IPMK: variants seen among roughly 807,000 people sequenced by gnomAD.
IPMK encodes the protein inositol 1,3,4,6-tetrakisphosphate 5-kinase.
IPMK carries 17 observed loss-of-function variants against 45.8 expected under a neutral mutation model. The observed-to-expected ratio is 0.37, with a 90% CI of 0.25 to 0.56. The LOEUF is 0.56. Among genes scored for constraint, IPMK ranks in the 20% least tolerant of loss-of-function variants. The pLI, the probability that IPMK is intolerant of heterozygous loss-of-function variation, is 0.79. For synonymous variants in IPMK, 180 were observed against 184.3 expected, an observed-to-expected ratio of 0.98 and a Z score of 0.19; for missense variants, 399 against 498.0, an observed-to-expected ratio of 0.80 and a Z score of 1.89.
At chr10:58,256,340 T>C (rs1168377219) in intron 1 of IPMK, among the ~76,000 whole-genome samples, 2 of 152,172 alleles carry the variant, frequency 1.3e-5, no homozygotes, top group Non-Finnish European at 2.9e-5. Context: ...CGGTTGAAGA[T>C]AAGGGATGAA....
At chr10:58,265,263 A>G (rs1306401054) in intron 1 of IPMK, among the ~76,000 whole-genome samples, 2 of 152,222 alleles carry the variant, frequency 1.3e-5, no homozygotes, top group Non-Finnish European at 1.5e-5. Context: ...TTTTGGAAAT[A>G]GGTAAAATAA....
At chr10:58,250,726 G>T (rs988579194) in intron 1 of IPMK, among the ~76,000 whole-genome samples, 5 of 152,150 alleles carry the variant, frequency 3.3e-5, no homozygotes, top group Non-Finnish European at 5.9e-5. Flanking sequence ...AATAGGAGTA[G>T]TGAAAATGAG....
intron 2 of IPMK, 107 bp from the exon 3 acceptor site, chr10:58,227,246 T>C: frequency 1.3e-6 from 1 of 794,930 alleles, no homozygotes; most frequent in Non-Finnish European, 2.0e-6. Flanking sequence ...CTGGTATGGC[T>C]TCAATTGCAA....
intron 1 of IPMK, among the ~76,000 whole-genome samples, chr10:58,258,377 AC>A (rs1242432075): frequency 1.3e-5 from 2 of 152,208 alleles, no homozygotes; most frequent in African/African-American, 4.8e-5. Flanking sequence ...AAACAAGTTG[AC>A]CAAATTGACA....
rs539097203 is a variant in IPMK at position 58,251,673 on chromosome 10, T to C, written c.191-13859A>G. Among the ~76,000 whole-genome samples, 9 of 152,304 alleles carry C rather than the reference T, an allele frequency of 5.9e-5. 1 individual carries two copies. The South Asian group carries it at 1.7e-3, about 28-fold the overall frequency. ...CTTGGGTCCTCCAGTGTTGAGTACA[T>C]ACACATTTACAATTGTTATATCCTC... is the stretch of plus-strand genomic sequence containing the variant. On this transcript the variant is annotated intron_variant, in intron 1 of 5. Coordinates refer to ENST00000373935, the MANE Select transcript of IPMK (RefSeq NM_152230.5).
At chr10:58,225,110 G>C (rs559228499) in intron 3 of IPMK, among the ~76,000 whole-genome samples, 3 of 152,168 alleles carry the variant, frequency 2.0e-5, no homozygotes, top group South Asian at 2.1e-4. Context: ...TTTATTCCTT[G>C]TCCTTTTTTC....
At chr10:58,234,348 C>A (rs548600201) in intron 2 of IPMK, among the ~76,000 whole-genome samples, 1 of 152,248 alleles carries the variant, frequency 6.6e-6, no homozygotes, top group Non-Finnish European at 1.5e-5. Context: ...AAAGAGCCCC[C>A]ATTGCTAAGA....
At chr10:58,245,091 A>AC (rs1432598862) in intron 1 of IPMK, among the ~76,000 whole-genome samples, 1 of 151,214 alleles carries the variant, frequency 6.6e-6, no homozygotes, top group African/African-American at 2.4e-5. Context: ...TAAAAAAATT[A>AC]AAAAATACAA....
intron 1 of IPMK, among the ~76,000 whole-genome samples, chr10:58,261,461 G>T (rs1310863018): frequency 6.6e-6 from 1 of 151,108 alleles, no homozygotes; most frequent in Non-Finnish European, 1.5e-5. Context: ...CAAAATTTGA[G>T]GAAGCAGGGA....
intron 1 of IPMK, among the ~76,000 whole-genome samples, chr10:58,239,496 G>A (rs1254273353): frequency 6.6e-6 from 1 of 152,166 alleles, no homozygotes; most frequent in Admixed American, 6.5e-5. Flanking sequence ...AGATACAGGT[G>A]ATCTTCCCAT....
At chr10:58,248,655 T>A (rs1838838742) in intron 1 of IPMK, among the ~76,000 whole-genome samples, 1 of 152,192 alleles carries the variant, frequency 6.6e-6, no homozygotes. Flanking sequence ...TCCTTCTAAG[T>A]GTATTTTTGC....
intron 4 of IPMK, among the ~76,000 whole-genome samples, chr10:58,201,062 G>A (rs1837989427): frequency 6.6e-6 from 1 of 152,038 alleles, no homozygotes; most frequent in Non-Finnish European, 1.5e-5. Flanking sequence ...ACACTTATGA[G>A]GGAAAAAACA....
chr10:58,216,099 A>C, intron 4 of IPMK, 46 bp downstream of exon 4: 1 of 1,233,584 alleles, frequency 8.1e-7, no homozygotes, highest in Non-Finnish European at 1.1e-6. Flanking sequence ...TCAAGGGAAG[A>C]ACATGTACAG....
At chr10:58,237,290 C>T (rs1328196131) in intron 2 of IPMK, among the ~76,000 whole-genome samples, 1 of 152,122 alleles carries the variant, frequency 6.6e-6, no homozygotes, top group Admixed American at 6.6e-5. Flanking sequence ...CATGTCTTCT[C>T]ATAAAAATTA....
At chr10:58,237,651 T>C (rs1240178782) in intron 2 of IPMK, 78 bp downstream of exon 2, 36 of 1,015,462 alleles carry the variant, frequency 3.5e-5, no homozygotes, top group Non-Finnish European at 5.5e-5. Context: ...CTGTCAAATA[T>C]GTGTCTTACT....
intron 4 of IPMK, among the ~76,000 whole-genome samples, chr10:58,206,107 T>C (rs900314496): frequency 3.3e-5 from 5 of 152,200 alleles, no homozygotes; most frequent in Admixed American, 6.5e-5. Flanking sequence ...TAATCGAATA[T>C]TATTTGGCAA....
chr10:58,266,065 A>C (rs1839142587), intron 1 of IPMK, among the ~76,000 whole-genome samples: 1 of 152,200 alleles, frequency 6.6e-6, no homozygotes, highest in Admixed American at 6.5e-5. Context: ...ATTACAAGAC[A>C]CTGGCACACA....
intron 1 of IPMK, among the ~76,000 whole-genome samples, chr10:58,240,612 G>GATA (rs1838682698): frequency 7.2e-6 from 1 of 139,536 alleles, no homozygotes; most frequent in Non-Finnish European, 1.5e-5. Flanking sequence ...AAAGTGTTGA[G>GATA]ATAATAACCA....
In IPMK at chr10:58,267,516, G is replaced by C. The variant is rs61740967; in HGVS notation, c.96C>G (p.Thr32=). The C allele has an allele frequency of 9.6e-4, 1,552 of 1,613,310 alleles. 11 individuals carry two copies. The African/African-American group carries it at 0.015, about 15-fold the overall frequency. Residue 32 remains threonine, a synonymous_variant, in exon 1 of 6, where the codon ACC becomes ACG. Transcript: ENST00000373935. ...GGAGTCTGCCGCCCGCCGGCTGCGGGGTGCCCTCAGGGGTGGACTCGATCG... is the reference window on the plus strand; with the variant it reads ...GGAGTCTGCCGCCCGCCGGCTGCGGCGTGCCCTCAGGGGTGGACTCGATCG... The part of the protein sequence containing the change: ...SPAIESTPEG[T]PQPAGGRLRF...
Sources: allele counts gnomAD v4.1 joint callset (sites outside exome capture counted in the v4.1 genomes callset), GRCh38; gene constraint gnomAD v4.1.1; transcripts MANE v1.5; gene names NCBI Gene and HGNC (gene_info 2026-07-23, HGNC 2026-07-21).